CES1: variants seen among roughly 807,000 people sequenced by gnomAD.
The protein encoded by CES1 is carboxylesterase 1.
Under a neutral mutation model 53.0 loss-of-function variants are expected in CES1, and 50 were observed. The ratio of observed to expected loss-of-function variants is 0.94; its 90% confidence interval spans 0.75 to 1.19. CES1 has a LOEUF of 1.19. Among genes scored for constraint, CES1 ranks in the 50% most tolerant of loss-of-function variants. The pLI is 0.00. For synonymous variants in CES1, 202 were observed against 210.1 expected (o/e 0.96, Z 0.33); for missense variants, 534 against 538.0 (o/e 0.99, Z 0.07).
intron 4 of CES1, among the ~76,000 whole-genome samples, chr16:55,822,059 C>A (rs1191221751): frequency 7.9e-5 from 12 of 152,192 alleles, no homozygotes; most frequent in African/African-American, 1.4e-4. Context: ...GAATTCCAGG[C>A]AGAAGAAAAA....
chr16:55,831,439 A>G (rs1597095509), intron 1 of CES1, among the ~76,000 whole-genome samples: 2 of 151,090 alleles, frequency 1.3e-5, no homozygotes, highest in South Asian at 4.2e-4. Context: ...AGGCAGAAAC[A>G]AGTGTGAGAA....
chr16:55,827,860 A>T (rs2032478275), intron 2 of CES1: 1 of 152,228 alleles, frequency 6.6e-6, no homozygotes, highest in Non-Finnish European at 1.5e-5. Context: ...ACTGGAATAC[A>T]AACAATATAT....
intron 9 of CES1, among the ~76,000 whole-genome samples, chr16:55,811,855 T>G (rs1318176410): frequency 6.6e-6 from 1 of 152,226 alleles, no homozygotes; most frequent in Non-Finnish European, 1.5e-5. Flanking sequence ...ACTCCTGATC[T>G]TCCCAGTCCC....
chr16:55,816,414 C>T (rs1363098912), intron 8 of CES1, among the ~76,000 whole-genome samples: 2 of 152,206 alleles, frequency 1.3e-5, no homozygotes, highest in South Asian at 2.1e-4. Context: ...TTGTAAGATT[C>T]GTCAGAGGTG....
chr16:55,828,424 G>A (rs1358848655), intron 2 of CES1, among the ~76,000 whole-genome samples: 2 of 152,114 alleles, frequency 1.3e-5, no homozygotes, highest in Admixed American at 6.5e-5. Flanking sequence ...TGTTTCCAAG[G>A]CACTTTTCCT....
At chr16:55,813,155 C>A in intron 8 of CES1, 112 bp from the exon 9 acceptor site, 3 of 1,412,746 alleles carry the variant, frequency 2.1e-6, no homozygotes, top group Non-Finnish European at 3.0e-6. Flanking sequence ...GGCCATGCGC[C>A]ATGGCTGCAC....
rs369107823 is a variant in CES1 at position 55,809,150 on chromosome 16, A to G, written c.1318+1367T>C. Reference sequence around the variant, plus strand: ...AGTCATGGGAAACCAGATGAAAAACATAAGTTCAGTATTGCTCAAACCATC... The same window carrying G: ...AGTCATGGGAAACCAGATGAAAAACGTAAGTTCAGTATTGCTCAAACCATC... On this transcript the variant is annotated intron_variant, in intron 11 of 13. Transcript: ENST00000360526. 1.3e-4 allele frequency among the ~76,000 whole-genome samples: 19 copies of G among 151,272 alleles called. No homozygotes were observed. In the East Asian group the frequency reaches 3.3e-3, roughly 26 times the overall value.
At position 55,833,094 on chromosome 16, in the gene CES1, T is replaced by C. The variant is rs12149371; in HGVS notation, c.-39A>G. 74,390 of 1,359,412 alleles carry C rather than the reference T, an allele frequency of 0.055. 12,347 individuals are homozygous for C. The highest frequency in any genetic ancestry group is 0.26 in the African/African-American group (17,188 of 66,104). 84.2% of individuals were successfully genotyped at this position (1,359,412 alleles called of 1,614,324 possible). ...CAGTTCTCGGGGCCTGCGAGGTCTC[T>C]GTGCAGTTCAGAGGGACTGTGCTGT... On this transcript the variant is annotated 5_prime_UTR_variant, in exon 1 of 14. Coordinates refer to ENST00000360526, the MANE Select transcript of CES1 (RefSeq NM_001025195.2).
At chr16:55,824,000 G>A (rs1214672911) in intron 3 of CES1, among the ~76,000 whole-genome samples, 5 of 151,740 alleles carry the variant, frequency 3.3e-5, no homozygotes, top group Admixed American at 2.6e-4. Context: ...TGTCCTCTTC[G>A]GGAGGACACT....
At chr16:55,811,104 G>C in intron 9 of CES1, 94 bp from the exon 10 acceptor site, 4 of 1,049,556 alleles carry the variant, frequency 3.8e-6, no homozygotes, top group Middle Eastern at 1.9e-4. Context: ...CAGTCTGAAA[G>C]TCCTCTAATT....
intron 7 of CES1, among the ~76,000 whole-genome samples, 154 bp from the exon 8 acceptor site, chr16:55,817,116 T>A (rs1388533806): frequency 1.3e-5 from 2 of 152,150 alleles, no homozygotes; most frequent in Non-Finnish European, 2.9e-5. Flanking sequence ...TCCCTGAACA[T>A]GAATATTAGT....
intron 11 of CES1, 109 bp downstream of exon 11, chr16:55,810,408 G>A: frequency 6.9e-7 from 1 of 1,440,404 alleles, no homozygotes; most frequent in African/African-American, 1.4e-5. Flanking sequence ...ATCAGCCTTT[G>A]AGGCCTGACC....
intron 5 of CES1, 134 bp from the exon 6 acceptor site, chr16:55,820,613 T>C: frequency 6.9e-7 from 1 of 1,439,474 alleles, no homozygotes; most frequent in Non-Finnish European, 9.6e-7. Flanking sequence ...GCTGACCCTC[T>C]GCCCACCTCA....
intron 2 of CES1, 134 bp from the exon 3 acceptor site, chr16:55,826,429 G>C: frequency 8.7e-7 from 1 of 1,148,016 alleles, no homozygotes; most frequent in Non-Finnish European, 1.3e-6. Flanking sequence ...CATTGTAGTG[G>C]GTAGGAGGCT....
chr16:55,813,952 G>C (rs1364381415), intron 8 of CES1, among the ~76,000 whole-genome samples: 1 of 152,196 alleles, frequency 6.6e-6, no homozygotes. Flanking sequence ...AGCTTCCCCT[G>C]CTCTGTACCT....
chr16:55,822,416 A>C (rs1178666453), intron 4 of CES1, among the ~76,000 whole-genome samples: 12 of 152,218 alleles, frequency 7.9e-5, no homozygotes, highest in Non-Finnish European at 1.6e-4. Context: ...GGTTGTGAGA[A>C]AAGAGACAGT....
rs529218853 is a variant in CES1 at position 55,821,994 on chromosome 16, A to T, written c.540-473T>A. ...GACATTTGAGGTTTTGGAGGCAAAGACCTTCATAAAACAAGCACAATGAGC... is the reference window on the plus strand; with the variant it reads ...GACATTTGAGGTTTTGGAGGCAAAGTCCTTCATAAAACAAGCACAATGAGC... On this transcript the variant is annotated intron_variant, in intron 4 of 13. Transcript: ENST00000360526. Among the ~76,000 whole-genome samples the T allele has an allele frequency of 5.8e-4, 88 of 152,352 alleles. 1 individual carries two copies. Among genetic ancestry groups the T allele is most frequent in the Admixed American group, 1.2e-3 (18 of 15,308 alleles).
chr16:55,828,598 G>A (rs2032507889), intron 2 of CES1, among the ~76,000 whole-genome samples, 169 bp downstream of exon 2: 1 of 149,430 alleles, frequency 6.7e-6, no homozygotes, highest in African/African-American at 2.6e-5. Flanking sequence ...CAATAAACAT[G>A]TGTTAAATAA....
intron 7 of CES1, 41 bp downstream of exon 7, chr16:55,819,494 C>A (rs2032081011): frequency 6.8e-7 from 1 of 1,461,046 alleles, no homozygotes; most frequent in African/African-American, 1.4e-5. Flanking sequence ...AAGTCTGGGA[C>A]CAAGTTTACA....
Sources: allele counts gnomAD v4.1 joint callset (sites outside exome capture counted in the v4.1 genomes callset), GRCh38; gene constraint gnomAD v4.1.1; transcripts MANE v1.5; gene names NCBI Gene and HGNC (gene_info 2026-07-23, HGNC 2026-07-21).